The following ZNF521 variants were observed in gnomAD, a reference collection of about 807,000 sequenced individuals.
The protein encoded by ZNF521 is LYST-interacting protein 3.
In ZNF521, 14 loss-of-function variants were observed where a neutral mutation model predicts 105.5. That is an observed-to-expected ratio of 0.13 (90% CI 0.09 to 0.21). The LOEUF (loss-of-function observed/expected upper bound fraction) is 0.21. Among genes scored for constraint, ZNF521 ranks in the 10% least tolerant of loss-of-function variants. The pLI is 1.00. For missense variants in ZNF521, 1,233 were observed against 1,629.7 expected (o/e 0.76, Z 4.19); for synonymous variants, 635 against 606.0 (o/e 1.05, Z -0.70).
intron 7 of ZNF521, among the ~76,000 whole-genome samples, chr18:25,084,763 T>C (rs753903972): frequency 1.2e-4 from 18 of 152,190 alleles, no homozygotes; most frequent in Non-Finnish European, 2.6e-4. Flanking sequence ...TGTGGACACA[T>C]TGGGAGAGAG....
chr18:25,140,099 G>A (rs1055969797), intron 5 of ZNF521, among the ~76,000 whole-genome samples: 10 of 152,116 alleles, frequency 6.6e-5, no homozygotes, highest in Admixed American at 2.0e-4. Context: ...AGCGCAAATG[G>A]ACAAAGACAC....
At chr18:25,213,626 T>C (rs2036231863) in intron 4 of ZNF521, among the ~76,000 whole-genome samples, 2 of 152,146 alleles carry the variant, frequency 1.3e-5, no homozygotes, top group Admixed American at 1.3e-4. Context: ...TTGTCTGGTT[T>C]TGATATCAGG....
intron 5 of ZNF521, among the ~76,000 whole-genome samples, chr18:25,183,518 G>T (rs555301477): frequency 1.3e-5 from 2 of 152,244 alleles, no homozygotes; most frequent in African/African-American, 4.8e-5. Context: ...ACTTCATTTA[G>T]AAAATAAGCC....
At chr18:25,277,694 T>A (rs1320635631) in intron 3 of ZNF521, among the ~76,000 whole-genome samples, 1 of 152,190 alleles carries the variant, frequency 6.6e-6, no homozygotes, top group Non-Finnish European at 1.5e-5. Context: ...TAAGTTAACA[T>A]CTGCACTATA....
At chr18:25,123,722 C>T (rs923964099) in intron 5 of ZNF521, among the ~76,000 whole-genome samples, 1 of 152,252 alleles carries the variant, frequency 6.6e-6, no homozygotes, top group East Asian at 1.9e-4. Flanking sequence ...TCTAATATAA[C>T]CTTGACCTAC....
intron 5 of ZNF521, among the ~76,000 whole-genome samples, chr18:25,104,916 G>C (rs1316775771): frequency 6.6e-6 from 1 of 152,208 alleles, no homozygotes; most frequent in Non-Finnish European, 1.5e-5. Context: ...CTTATATTTA[G>C]AGAAAAATGC....
chr18:25,123,800 CAGAATTTA>C (rs1249995479), intron 5 of ZNF521, among the ~76,000 whole-genome samples: 1 of 152,154 alleles, frequency 6.6e-6, no homozygotes, highest in Non-Finnish European at 1.5e-5. Flanking sequence ...TTGGGGTTCT[CAGAATTTA>C]GAAACATTTT....
chr18:25,141,551 C>T (rs4459629), intron 5 of ZNF521, among the ~76,000 whole-genome samples: 66,776 of 152,002 alleles, frequency 0.44, 14,849 homozygotes, highest in South Asian at 0.56. Context: ...CTCTATGAAG[C>T]GAATAACTTA....
At chr18:25,267,650 A>G (rs1909363435) in intron 3 of ZNF521, among the ~76,000 whole-genome samples, 1 of 152,128 alleles carries the variant, frequency 6.6e-6, no homozygotes, top group African/African-American at 2.4e-5. Flanking sequence ...TCTGGAGCGG[A>G]CCTATAGCAA....
chr18:25,310,443 AAGAG>A (rs1270702553), intron 3 of ZNF521, among the ~76,000 whole-genome samples: 1 of 151,958 alleles, frequency 6.6e-6, no homozygotes, highest in East Asian at 1.9e-4. Flanking sequence ...CAAAAAAAAA[AAGAG>A]GGAGGGAAAA....
At position 25,116,885 on chromosome 18, in the gene ZNF521, ATACG is replaced by A. The variant is rs1420067907; in HGVS notation, c.3659-24808_3659-24805del. Among the ~76,000 whole-genome samples the A allele has an allele frequency of 9.6e-5, 5 of 52,236 alleles. 1 individual carries two copies. Among genetic ancestry groups the A allele is most frequent in the African/African-American group, 2.0e-4 (5 of 24,574 alleles). The allele number at this position is 52,236 out of a possible 152,430, so 34.3% of individuals were successfully genotyped here. Reference sequence around the variant, plus strand: ...TATATATATACGTATATATATATATATACGTATATATATATGTGTATATATACGT... The same window carrying A: ...TATATATATACGTATATATATATATATATATATATATGTGTATATATACGT... On this transcript the variant is annotated intron_variant, in intron 5 of 7. Coordinates refer to ENST00000361524, the MANE Select transcript of ZNF521 (RefSeq NM_015461.3).
intron 5 of ZNF521, among the ~76,000 whole-genome samples, chr18:25,169,747 A>G (rs2035414119): frequency 1.3e-5 from 2 of 152,106 alleles, no homozygotes. Context: ...TGGGGAATAG[A>G]GTGTGGAGGA....
chr18:25,082,243 T>C (rs1470610702), intron 7 of ZNF521, among the ~76,000 whole-genome samples: 1 of 152,140 alleles, frequency 6.6e-6, no homozygotes, highest in African/African-American at 2.4e-5. Context: ...ACTTTTGAAG[T>C]CTTTGTGATG....
chr18:25,252,184 C>T (rs1007418482), intron 3 of ZNF521, among the ~76,000 whole-genome samples: 8 of 151,790 alleles, frequency 5.3e-5, no homozygotes, highest in African/African-American at 1.9e-4. Context: ...CTCCTAAGGG[C>T]GGTTCTATAA....
chr18:25,063,859 C>A (rs1193600535), intron 7 of ZNF521, among the ~76,000 whole-genome samples: 1 of 152,168 alleles, frequency 6.6e-6, no homozygotes, highest in Non-Finnish European at 1.5e-5. Context: ...TGGGGCCCAG[C>A]TCAAAATATC....
chr18:25,219,915 T>C (rs1419967713), intron 4 of ZNF521, among the ~76,000 whole-genome samples: 1 of 152,222 alleles, frequency 6.6e-6, no homozygotes, highest in Non-Finnish European at 1.5e-5. Context: ...TACTGATAAA[T>C]GCATGCAGTC....
At chr18:25,096,571 T>C (rs1490698555) in intron 5 of ZNF521, among the ~76,000 whole-genome samples, 2 of 152,304 alleles carry the variant, frequency 1.3e-5, no homozygotes, top group Middle Eastern at 3.4e-3. Context: ...TTTATACTCC[T>C]TTTCCTTCAA....
intron 5 of ZNF521, among the ~76,000 whole-genome samples, chr18:25,143,434 A>G (rs1205050590): frequency 1.3e-5 from 2 of 152,034 alleles, no homozygotes; most frequent in Non-Finnish European, 2.9e-5. Flanking sequence ...AATGAGATAG[A>G]TTTTCTTGTG....
Position 25,224,871 on chromosome 18 carries a change from G to C in ZNF521, c.3047C>G (p.Ser1016Cys). Residue 1016 changes from serine to cysteine, a missense_variant, in exon 4 of 8, where the codon TCC (serine) becomes TGC (cysteine). Physicochemically the swap from Ser to Cys is moderately radical, Grantham distance 112 (BLOSUM62 -1). Transcript: ENST00000361524. Reference protein sequence around the residue: ...HCQMHPDLRNSLTGFRCVVCM... With the variant: ...HCQMHPDLRNCLTGFRCVVCM... ...CACCACGCAGCGAAAGCCTGTCAGG[G>C]AATTCCTCAAGTCAGGGTGCATTTG... is the stretch of plus-strand genomic sequence containing the variant. The C allele has an allele frequency of 6.2e-7, 1 of 1,614,012 alleles. No homozygotes were observed. Among genetic ancestry groups the C allele is most frequent in the Admixed American group, 1.7e-5 (1 of 60,010 alleles).
Sources: gnomAD v4.1 joint callset for allele counts (sites outside exome capture counted in the v4.1 genomes callset) on GRCh38, gnomAD v4.1.1 for gene constraint, MANE v1.5 for transcripts, NCBI Gene and HGNC (gene_info 2026-07-23, HGNC 2026-07-21) for gene names.